FIP1L1: variants seen among roughly 807,000 people sequenced by gnomAD.
FIP1L1 encodes pre-mRNA 3'-end-processing factor FIP1.
A neutral mutation model predicts 84.6 loss-of-function variants in FIP1L1; 21 were observed. The observed-to-expected ratio is 0.25, with a 90% CI of 0.18 to 0.36. The LOEUF (loss-of-function observed/expected upper bound fraction) is 0.36. Ranked by LOEUF, FIP1L1 falls within the 10% of genes least tolerant of loss-of-function variation. The probability of loss-of-function intolerance (pLI) is 1.00; values close to 1 mark genes in which losing one functional copy is unlikely to be tolerated. For synonymous variants in FIP1L1, 263 were observed against 242.3 expected, an observed-to-expected ratio of 1.09 and a Z score of -0.80; for missense variants, 526 against 751.1, an observed-to-expected ratio of 0.70 and a Z score of 3.50.
At chr4:53,434,264 C>G (rs1192001472) in intron 13 of FIP1L1, among the ~76,000 whole-genome samples, 1 of 151,964 alleles carries the variant, frequency 6.6e-6, no homozygotes, top group Non-Finnish European at 1.5e-5. Context: ...AATAACTGTA[C>G]TTTTCCTAGA....
At position 53,460,804 on chromosome 4, in the gene FIP1L1, A is replaced by G; in HGVS notation, c.*1355A>G. ...TCATACTTTTCCTGACATTTTTACA[A>G]TGTATTCTTTCTTTAAATATAAAAA... On this transcript the variant is annotated 3_prime_UTR_variant, in exon 18 of 18. Coordinates refer to ENST00000337488, the MANE Select transcript of FIP1L1 (RefSeq NM_030917.4). 2 of 1,152,456 alleles carry G rather than the reference A, an allele frequency of 1.7e-6. No individual in the cohort carries two copies. The highest frequency in any genetic ancestry group is 2.5e-6 in the Non-Finnish European group (2 of 808,322). The allele number at this position is 1,152,456 out of a possible 1,614,324, so 71.4% of individuals were successfully genotyped here.
intron 9 of FIP1L1, among the ~76,000 whole-genome samples, chr4:53,394,216 T>C (rs1453227626): frequency 2.0e-5 from 3 of 152,240 alleles, no homozygotes; most frequent in Non-Finnish European, 4.4e-5. Context: ...TGTTAGATTT[T>C]TCTTTTCCTG....
In FIP1L1 at chr4:53,460,407, G is replaced by GATA. The variant is rs1297328236; in HGVS notation, c.*962_*964dup. 1 of 189,212 alleles carries GATA rather than the reference G, an allele frequency of 5.3e-6. No individual in the cohort carries two copies. Among genetic ancestry groups the GATA allele is most frequent in the Admixed American group, 6.2e-5 (1 of 16,168 alleles). The allele number at this position is 189,212 out of a possible 1,614,324, so 11.7% of individuals were successfully genotyped here. A position where few individuals can be genotyped will look rare whatever the true frequency, so the allele number is the denominator to read the frequency against. On this transcript the variant is annotated 3_prime_UTR_variant, in exon 18 of 18. Coordinates refer to ENST00000337488, the MANE Select transcript of FIP1L1 (RefSeq NM_030917.4). ...AAATTACTAGGATCTTTTAAATAGT[G>GATA]ATAATACAAAAGTAATCTTAATTAG...
intron 9 of FIP1L1, among the ~76,000 whole-genome samples, chr4:53,395,347 T>C (rs1467681546): frequency 6.6e-6 from 1 of 152,216 alleles, no homozygotes; most frequent in Non-Finnish European, 1.5e-5. Flanking sequence ...ATTTTCCTAA[T>C]ATCTTCTCTG....
At chr4:53,458,413 C>T (rs1720631691) in intron 16 of FIP1L1, 3 of 296,946 alleles carry the variant, frequency 1.0e-5, no homozygotes, top group South Asian at 2.9e-4. Flanking sequence ...AAGCACAGAA[C>T]AAAATTGGTC....
intron 15 of FIP1L1, among the ~76,000 whole-genome samples, chr4:53,451,849 G>T (rs2150376359): frequency 6.6e-6 from 1 of 151,048 alleles, no homozygotes; most frequent in Middle Eastern, 3.4e-3. Flanking sequence ...AGATCCTCTA[G>T]GATAATTTTT....
intron 10 of FIP1L1, among the ~76,000 whole-genome samples, chr4:53,412,370 A>G (rs956395784): frequency 1.3e-5 from 2 of 152,110 alleles, no homozygotes; most frequent in African/African-American, 2.4e-5. Context: ...AATTATCCCA[A>G]TATCCTTTAT....
chr4:53,396,201 G>C (rs1395309153), intron 9 of FIP1L1, among the ~76,000 whole-genome samples: 3 of 152,068 alleles, frequency 2.0e-5, no homozygotes, highest in African/African-American at 7.2e-5. Context: ...TTACAGGCGT[G>C]AGCCACTGCA....
At chr4:53,400,143 T>A (rs1749480748) in intron 10 of FIP1L1, among the ~76,000 whole-genome samples, 1 of 152,178 alleles carries the variant, frequency 6.6e-6, no homozygotes, top group Non-Finnish European at 1.5e-5. Flanking sequence ...ACAGTAGTAT[T>A]TGCTGTTTCC....
At chr4:53,451,885 CTTTT>C (rs139817657) in intron 15 of FIP1L1, among the ~76,000 whole-genome samples, 1 of 140,928 alleles carries the variant, frequency 7.1e-6, no homozygotes. Context: ...ATAGACATTC[CTTTT>C]TTTTTTTTTT....
At chr4:53,458,567 A>G in intron 16 of FIP1L1, 86 bp from the exon 17 acceptor site, 5 of 1,375,196 alleles carry the variant, frequency 3.6e-6, no homozygotes, top group Non-Finnish European at 3.9e-6. Context: ...TTGGATTTGG[A>G]CTGCAGATCA....
intron 5 of FIP1L1, among the ~76,000 whole-genome samples, chr4:53,385,658 T>C (rs1304233445): frequency 6.6e-6 from 1 of 152,142 alleles, no homozygotes; most frequent in Non-Finnish European, 1.5e-5. Flanking sequence ...GACATTTGAT[T>C]ATGAAAATTT....
chr4:53,415,534 T>TTA (rs920815484), intron 11 of FIP1L1, among the ~76,000 whole-genome samples: 1 of 151,526 alleles, frequency 6.6e-6, no homozygotes, highest in African/African-American at 2.4e-5. Context: ...TTTTTGTTTT[T>TTA]TTTTTTGCTT....
At chr4:53,436,630 T>C (rs1321183537) in intron 13 of FIP1L1, among the ~76,000 whole-genome samples, 1 of 152,168 alleles carries the variant, frequency 6.6e-6, no homozygotes, top group African/African-American at 2.4e-5. Context: ...TTGAGAGCCA[T>C]GTCAGAAGCT....
chr4:53,405,917 A>G (rs1009929853), intron 10 of FIP1L1, among the ~76,000 whole-genome samples: 20 of 150,972 alleles, frequency 1.3e-4, no homozygotes, highest in East Asian at 3.9e-4. Context: ...GGCTGAGACA[A>G]TGGGGTGTTC....
chr4:53,424,999 G>A lies in FIP1L1; in HGVS notation c.924-873G>A, dbSNP rs142646344. 1.7e-3 allele frequency among the ~76,000 whole-genome samples: 257 copies of A among 152,142 alleles called. 2 individuals carry two copies. Among genetic ancestry groups the A allele is most frequent in the Non-Finnish European group, 3.3e-3 (225 of 67,932 alleles). On this transcript the variant is annotated intron_variant, in intron 11 of 17. Transcript: ENST00000337488. The stretch of plus-strand genomic sequence containing the variant: ...TGTCATTTTAGGAGCCTAATCTAGT[G>A]ACTGTGGAAGGATCTATGGTATTTT...
rs1175716808 is a variant in FIP1L1, at chr4:53,458,644, C to G, written c.1500-9C>G. On this transcript the variant is annotated splice_polypyrimidine_tract_variant and intron_variant, in intron 16 of 17. Transcript: ENST00000337488. The stretch of plus-strand genomic sequence containing the variant: ...AGTTGTCAAGAAAACATTTCTATTT[C>G]AATTTCAGCGATGAAGAACGATACA... 1.2e-6 allele frequency: 2 copies of G among 1,605,782 alleles called. No homozygotes were observed. The highest frequency in any genetic ancestry group is 1.7e-5 in the Admixed American group (1 of 59,024).
chr4:53,429,396 G>A (rs1765624331), intron 13 of FIP1L1, among the ~76,000 whole-genome samples: 1 of 152,126 alleles, frequency 6.6e-6, no homozygotes, highest in African/African-American at 2.4e-5. Context: ...TTGACTTGTG[G>A]TTCTTGTGTC....
At chr4:53,419,654 A>G (rs1761293310) in intron 11 of FIP1L1, among the ~76,000 whole-genome samples, 1 of 151,990 alleles carries the variant, frequency 6.6e-6, no homozygotes, top group Non-Finnish European at 1.5e-5. Flanking sequence ...GCTCAGGCTG[A>G]TCTTGATCTC....
Sources: gnomAD v4.1 joint callset for allele counts (sites outside exome capture counted in the v4.1 genomes callset) on GRCh38, gnomAD v4.1.1 for gene constraint, MANE v1.5 for transcripts, NCBI Gene and HGNC (gene_info 2026-07-23, HGNC 2026-07-21) for gene names.